RFC3: variants seen among roughly 807,000 people sequenced by gnomAD.
RFC3 encodes the protein replication factor C subunit 3, also known as A1 38 kDa subunit.
A neutral mutation model predicts 45.1 loss-of-function variants in RFC3; 41 were observed. The ratio of observed to expected loss-of-function variants is 0.91; its 90% confidence interval spans 0.71 to 1.18. RFC3 has a LOEUF of 1.18. Ranked by LOEUF, RFC3 falls within the 50% of genes most tolerant of loss-of-function variation. RFC3 has a pLI of 0.00. For missense variants in RFC3, 423 were observed against 428.1 expected (o/e 0.99, Z 0.10); for synonymous variants, 149 against 144.0 (o/e 1.03, Z -0.25).
At chr13:33,904,255 A>G (rs9315271) in intron 8 of RFC3, among the ~76,000 whole-genome samples, 17,371 of 152,002 alleles carry the variant, frequency 0.11, 2,025 homozygotes, top group African/African-American at 0.3. Flanking sequence ...TCCATGCCCA[A>G]AACTATATAG....
intron 8 of RFC3, among the ~76,000 whole-genome samples, chr13:33,855,448 T>G (rs779675949): frequency 6.6e-6 from 1 of 152,182 alleles, no homozygotes; most frequent in South Asian, 2.1e-4. Context: ...CGTATGTGTG[T>G]GTGTCTTTAT....
chr13:33,912,689 T>C (rs1343390895), intron 8 of RFC3, among the ~76,000 whole-genome samples: 1 of 152,132 alleles, frequency 6.6e-6, no homozygotes, highest in East Asian at 1.9e-4. Flanking sequence ...AATTGAAAGT[T>C]AATTCTATGA....
chr13:33,972,337 A>G, the RFC3 span, among the ~76,000 whole-genome samples: 2 of 151,826 alleles, frequency 1.3e-5, no homozygotes, highest in Non-Finnish European at 2.9e-5. Flanking sequence ...TGGGCCCACA[A>G]CCTCCACTTC....
intron 8 of RFC3, among the ~76,000 whole-genome samples, chr13:33,925,495 A>G (rs1196132406): frequency 7.0e-6 from 1 of 143,800 alleles, no homozygotes; most frequent in Non-Finnish European, 1.5e-5. Context: ...TACATAGTGT[A>G]CTATATACAT....
intron 8 of RFC3, among the ~76,000 whole-genome samples, chr13:33,950,611 G>A (rs1298124445): frequency 2.0e-5 from 3 of 152,362 alleles, no homozygotes; most frequent in African/African-American, 7.2e-5. Context: ...AGCGTCTGTA[G>A]TTAGGAAAGA....
chr13:33,904,876 A>G (rs1346947519), intron 8 of RFC3, among the ~76,000 whole-genome samples: 1 of 152,090 alleles, frequency 6.6e-6, no homozygotes, highest in Non-Finnish European at 1.5e-5. Context: ...AGCTGGTGAG[A>G]CTTCTCAGAG....
At chr13:33,976,282 AT>A in the RFC3 span, among the ~76,000 whole-genome samples, 1 of 152,204 alleles carries the variant, frequency 6.6e-6, no homozygotes, top group Non-Finnish European at 1.5e-5. Context: ...TTGTAGCAAC[AT>A]AAATGGAACT....
At chr13:33,927,758 T>C (rs889195547) in intron 8 of RFC3, among the ~76,000 whole-genome samples, 3 of 152,020 alleles carry the variant, frequency 2.0e-5, no homozygotes, top group African/African-American at 7.2e-5. Context: ...GCTATGGAAC[T>C]GGAGAGGCCT....
intron 8 of RFC3, among the ~76,000 whole-genome samples, chr13:33,964,213 T>A (rs1251919234): frequency 1.3e-5 from 2 of 152,230 alleles, no homozygotes; most frequent in Non-Finnish European, 2.9e-5. Flanking sequence ...AATACCGTTA[T>A]TGTTTTCAGA....
At position 33,844,798 on chromosome 13, in the gene RFC3, A is replaced by G. The variant is rs548558091; in HGVS notation, c.879+9581A>G. On this transcript the variant is annotated intron_variant, in intron 8 of 8. Transcript: ENST00000434425. ...TCATCTTTTAGTCTTTCTATTCAAG[A>G]TATGGATAGTTTACACACCACAATT... is the stretch of plus-strand genomic sequence containing the variant. 5.4e-4 allele frequency among the ~76,000 whole-genome samples: 82 copies of G among 152,292 alleles called. 1 individual carries two copies. Among genetic ancestry groups the G allele is most frequent in the Non-Finnish European group, 9.6e-4 (65 of 68,014 alleles).
intron 8 of RFC3, among the ~76,000 whole-genome samples, chr13:33,877,644 A>G (rs934832916): frequency 9.3e-5 from 14 of 151,136 alleles, no homozygotes; most frequent in Admixed American, 3.3e-4. Context: ...ATTACATAGT[A>G]GTTTATATAA....
At chr13:33,959,848 G>A (rs960873370) in intron 8 of RFC3, among the ~76,000 whole-genome samples, 1 of 152,130 alleles carries the variant, frequency 6.6e-6, no homozygotes, top group African/African-American at 2.4e-5. Flanking sequence ...AAGAAAAGAG[G>A]TCTAATTGGC....
At chr13:33,889,160 C>G (rs1487725401) in intron 8 of RFC3, among the ~76,000 whole-genome samples, 1 of 152,160 alleles carries the variant, frequency 6.6e-6, no homozygotes, top group African/African-American at 2.4e-5. Flanking sequence ...CATGATAACC[C>G]AAAGCTTCAT....
At chr13:33,824,060 AC>A in intron 3 of RFC3, 76 bp downstream of exon 3, 2 of 700,076 alleles carry the variant, frequency 2.9e-6, no homozygotes, top group Non-Finnish European at 2.3e-6. Flanking sequence ...AAAGATTGAA[AC>A]CCTTTTTTGA....
chr13:33,919,010 C>A (rs2082750700), intron 8 of RFC3, among the ~76,000 whole-genome samples: 1 of 148,096 alleles, frequency 6.8e-6, no homozygotes, highest in Admixed American at 6.9e-5. Flanking sequence ...ACCTTTTGGT[C>A]TTTTTGGAAC....
At chr13:33,888,895 G>A (rs185834354) in intron 8 of RFC3, among the ~76,000 whole-genome samples, 9 of 151,798 alleles carry the variant, frequency 5.9e-5, no homozygotes, top group African/African-American at 9.7e-5. Flanking sequence ...ACAGGCGCCC[G>A]CCACCATGCC....
intron 8 of RFC3, among the ~76,000 whole-genome samples, chr13:33,886,565 C>A (rs1294534530): frequency 5.3e-5 from 8 of 150,514 alleles, no homozygotes; most frequent in Non-Finnish European, 1.0e-4. Context: ...AGAAAAAAAA[C>A]CCATCATTAT....
intron 8 of RFC3, among the ~76,000 whole-genome samples, chr13:33,925,433 TACATACATA>T (rs1405903467): frequency 1.4e-5 from 2 of 141,850 alleles, no homozygotes; most frequent in African/African-American, 2.8e-5. Flanking sequence ...ACTATATACA[TACATACATA>T]GTGTACTATA....
chr13:33,818,970 A>C (rs1211701246), intron 1 of RFC3, among the ~76,000 whole-genome samples: 1 of 142,086 alleles, frequency 7.0e-6, no homozygotes, highest in Non-Finnish European at 1.5e-5. Context: ...GGCTCACTGC[A>C]ACCTCCGCCT....
Sources: allele counts gnomAD v4.1 joint callset (sites outside exome capture counted in the v4.1 genomes callset), GRCh38; gene constraint gnomAD v4.1.1; transcripts MANE v1.5; gene names NCBI Gene and HGNC (gene_info 2026-07-23, HGNC 2026-07-21).